Variants in TBCK observed in about 807,000 individuals in gnomAD.
TBCK encodes TBC domain-containing protein kinase-like protein.
Under a neutral mutation model 113.4 loss-of-function variants are expected in TBCK, and 99 were observed. The observed-to-expected ratio is 0.87, with a 90% CI of 0.74 to 1.03. The LOEUF is 1.03. Ranked by LOEUF, TBCK falls within the 50% of genes least tolerant of loss-of-function variation. The pLI is 0.00. For missense variants in TBCK, 1,045 were observed against 1,061.3 expected (o/e 0.98, Z 0.21); for synonymous variants, 369 against 370.8 (o/e 1.00, Z 0.05).
chr4:106,204,257 A>T (rs572249812), intron 20 of TBCK, among the ~76,000 whole-genome samples: 2 of 152,338 alleles, frequency 1.3e-5, no homozygotes, highest in East Asian at 3.9e-4. Flanking sequence ...AGCTAAAAAT[A>T]GATTATGTAA....
At chr4:106,253,087 AT>A (rs976248389) in intron 5 of TBCK, among the ~76,000 whole-genome samples, 1 of 152,050 alleles carries the variant, frequency 6.6e-6, no homozygotes, top group Non-Finnish European at 1.5e-5. Context: ...CTTCTCCCTG[AT>A]TGTATCTCCA....
At chr4:106,210,830 T>C (rs1328540123) in intron 20 of TBCK, among the ~76,000 whole-genome samples, 2 of 152,218 alleles carry the variant, frequency 1.3e-5, no homozygotes, top group Admixed American at 6.5e-5. Flanking sequence ...CAACATTGTT[T>C]CTTACATCAT....
intron 3 of TBCK, among the ~76,000 whole-genome samples, chr4:106,264,994 C>G (rs1327215593): frequency 6.6e-6 from 1 of 151,870 alleles, no homozygotes; most frequent in East Asian, 1.9e-4. Flanking sequence ...TCACTCTTCC[C>G]TGGGAAGTTT....
chr4:106,110,621 G>T (rs1216980181), intron 24 of TBCK, among the ~76,000 whole-genome samples: 2 of 152,170 alleles, frequency 1.3e-5, no homozygotes, highest in Admixed American at 6.5e-5. Flanking sequence ...TAAACTTGGA[G>T]ATCTGGGAAC....
chr4:106,118,114 A>G (rs1743777842), intron 23 of TBCK, among the ~76,000 whole-genome samples: 3 of 152,168 alleles, frequency 2.0e-5, no homozygotes, highest in Admixed American at 2.0e-4. Context: ...TTATCAAAAT[A>G]GAGTCTAATA....
intron 1 of TBCK, among the ~76,000 whole-genome samples, chr4:106,313,340 C>T (rs1768392473): frequency 6.6e-6 from 1 of 150,670 alleles, no homozygotes; most frequent in Non-Finnish European, 1.5e-5. Flanking sequence ...GAGTTTCAGA[C>T]CAGACTGAGC....
chr4:106,314,617 T>C (rs1252753612), intron 1 of TBCK, among the ~76,000 whole-genome samples: 2 of 85,474 alleles, frequency 2.3e-5, no homozygotes, highest in Non-Finnish European at 2.1e-5. Context: ...TACTACTTGA[T>C]TTTTTTTTTT....
chr4:106,213,271 T>C (rs1350074427), intron 19 of TBCK: 1 of 156,948 alleles, frequency 6.4e-6, no homozygotes, highest in Non-Finnish European at 1.4e-5. Context: ...ATAAAACATA[T>C]GCCTCTATAT....
At chr4:106,058,561 G>A (rs1735687940) in intron 25 of TBCK, among the ~76,000 whole-genome samples, 1 of 151,636 alleles carries the variant, frequency 6.6e-6, no homozygotes, top group South Asian at 2.1e-4. Context: ...ACAGAAGTGG[G>A]AATAATGCTC....
At chr4:106,259,239 C>A (rs1762279240) in intron 5 of TBCK, among the ~76,000 whole-genome samples, 1 of 151,102 alleles carries the variant, frequency 6.6e-6, no homozygotes, top group African/African-American at 2.4e-5. Context: ...GAAAAAAGGG[C>A]AAGTTATATA....
At chr4:106,262,022 G>T in intron 4 of TBCK, 76 bp downstream of exon 4, 1 of 674,906 alleles carries the variant, frequency 1.5e-6, no homozygotes, top group Non-Finnish European at 2.4e-6. Context: ...TTGTTCCTCT[G>T]ACTGAGTAGC....
chr4:106,147,017 T>G (rs1159473091), intron 23 of TBCK, among the ~76,000 whole-genome samples: 3 of 152,204 alleles, frequency 2.0e-5, no homozygotes, highest in Non-Finnish European at 4.4e-5. Flanking sequence ...TGCTCATTCT[T>G]AAGAAGCAAC....
chr4:106,245,745 G>A lies in TBCK; in HGVS notation c.932-981C>T, dbSNP rs1760725083. On this transcript the variant is annotated intron_variant, in intron 10 of 25. Transcript: ENST00000394708. ...TGTTAATAAAATCATAGGTACAGGA[G>A]GGGCCTATGCTTATCAAAATTCTAG... Among the ~76,000 whole-genome samples the A allele has an allele frequency of 2.0e-5, 3 of 152,244 alleles. No homozygotes were observed. In the South Asian group the frequency reaches 6.2e-4, roughly 32 times the overall value.
At chr4:106,081,583 T>C (rs1213200260) in intron 25 of TBCK, among the ~76,000 whole-genome samples, 1 of 151,998 alleles carries the variant, frequency 6.6e-6, no homozygotes, top group Admixed American at 6.6e-5. Flanking sequence ...AATACCTAGG[T>C]GATGGATTGA....
rs556234026 is a variant in TBCK, at chr4:106,244,311, T to C, written c.1070+315A>G. On this transcript the variant is annotated intron_variant, in intron 11 of 25. Transcript: ENST00000394708. The stretch of plus-strand genomic sequence containing the variant: ...GTTAACTGTCTTAAATATTCTATTG[T>C]GACTTGTGTATTTTTCATTAACATC... Among the ~76,000 whole-genome samples, 168 of 152,316 alleles carry C rather than the reference T, an allele frequency of 1.1e-3. 1 individual carries two copies. Among genetic ancestry groups the C allele is most frequent in the Admixed American group, 2.8e-3 (43 of 15,286 alleles).
intron 23 of TBCK, among the ~76,000 whole-genome samples, chr4:106,139,494 A>G (rs1188706588): frequency 7.1e-6 from 1 of 141,658 alleles, no homozygotes; most frequent in African/African-American, 2.5e-5. Context: ...GCTGTCTCTA[A>G]TCTTTAATCA....
chr4:106,123,053 G>T (rs1449420991), intron 23 of TBCK, among the ~76,000 whole-genome samples: 1 of 152,300 alleles, frequency 6.6e-6, no homozygotes, highest in South Asian at 2.1e-4. Flanking sequence ...AAGAAATAAA[G>T]GGTATTCAAT....
chr4:106,050,986 T>A (rs1036685943), intron 25 of TBCK, among the ~76,000 whole-genome samples: 2 of 151,976 alleles, frequency 1.3e-5, no homozygotes, highest in African/African-American at 4.8e-5. Context: ...TGCCACTCTA[T>A]CTTGTTTTCT....
intron 23 of TBCK, among the ~76,000 whole-genome samples, chr4:106,161,115 G>C (rs532937361): frequency 6.6e-6 from 1 of 152,004 alleles, no homozygotes; most frequent in Non-Finnish European, 1.5e-5. Context: ...TATGGAGATA[G>C]ATGGTGGTGA....
Sources: allele counts gnomAD v4.1 joint callset (sites outside exome capture counted in the v4.1 genomes callset), GRCh38; gene constraint gnomAD v4.1.1; transcripts MANE v1.5; gene names NCBI Gene and HGNC (gene_info 2026-07-23, HGNC 2026-07-21).